The following PRELID2 variants were observed in gnomAD, a reference collection of about 807,000 sequenced individuals.
PRELID2 encodes the protein PRELI domain-containing protein 2.
In PRELID2, 25 loss-of-function variants were observed where a neutral mutation model predicts 28.4. The observed-to-expected ratio is 0.88, with a 90% CI of 0.64 to 1.23. The LOEUF (loss-of-function observed/expected upper bound fraction) is 1.23. Among genes scored for constraint, PRELID2 ranks in the 50% most tolerant of loss-of-function variants. The probability of loss-of-function intolerance (pLI) is 0.00; values close to 1 mark genes in which losing one functional copy is unlikely to be tolerated. For synonymous variants in PRELID2, 76 were observed against 71.6 expected (o/e 1.06, Z -0.31); for missense variants, 201 against 214.4 (o/e 0.94, Z 0.39).
rs1431795157 is a variant in PRELID2, at chr5:145,669,972, T to A, written n.70+94959A>T. On this transcript the variant is annotated intron_variant and non_coding_transcript_variant, in intron 1 of 2. Transcript: ENST00000510259. ...TTACTACACTCAGCGTGAACTATTATACTCACTGACCAGTTTCATTTTCTA... is the reference window on the plus strand; with the variant it reads ...TTACTACACTCAGCGTGAACTATTAAACTCACTGACCAGTTTCATTTTCTA... 3.9e-5 allele frequency among the ~76,000 whole-genome samples: 6 copies of A among 152,274 alleles called. No individual in the cohort carries two copies. In the East Asian group the frequency reaches 1.2e-3, roughly 29 times the overall value.
chr5:145,575,994 C>T (rs1032521543), intron 1 of PRELID2, among the ~76,000 whole-genome samples: 1 of 152,158 alleles, frequency 6.6e-6, no homozygotes, highest in African/African-American at 2.4e-5. Flanking sequence ...TCCTGCCCAT[C>T]TTGAAAATCT....
At chr5:145,573,447 C>T (rs1473728703) in intron 1 of PRELID2, among the ~76,000 whole-genome samples, 1 of 151,882 alleles carries the variant, frequency 6.6e-6, no homozygotes, top group Non-Finnish European at 1.5e-5. Context: ...CGTCATCTAC[C>T]TTTTAAGCCC....
intron 1 of PRELID2, among the ~76,000 whole-genome samples, chr5:145,740,138 A>C (rs1196989014): frequency 6.7e-6 from 1 of 149,804 alleles, no homozygotes; most frequent in African/African-American, 2.4e-5. Flanking sequence ...AAAAGATTTA[A>C]GTATATATAT....
chr5:145,477,588 G>C (rs1169595915), intron 1 of PRELID2, among the ~76,000 whole-genome samples: 1 of 152,072 alleles, frequency 6.6e-6, no homozygotes, highest in Non-Finnish European at 1.5e-5. Flanking sequence ...GCCACACCTG[G>C]ACAACATTGA....
chr5:145,433,253 C>G, the PRELID2 span, among the ~76,000 whole-genome samples: 1 of 152,262 alleles, frequency 6.6e-6, no homozygotes, highest in South Asian at 2.1e-4. Context: ...CTGCCCAATA[C>G]AGCCAGAGGG....
intron 1 of PRELID2, among the ~76,000 whole-genome samples, chr5:145,669,153 C>T (rs1754654900): frequency 6.6e-6 from 1 of 152,040 alleles, no homozygotes; most frequent in Non-Finnish European, 1.5e-5. Flanking sequence ...ACTAATTGGG[C>T]CGCATGGAGG....
chr5:145,254,243 TGTTA>T, the PRELID2 span, among the ~76,000 whole-genome samples: 1 of 152,218 alleles, frequency 6.6e-6, no homozygotes, highest in Admixed American at 6.6e-5. Flanking sequence ...TAAATATCCA[TGTTA>T]AACATATAGA....
At chr5:145,462,841 G>A in the PRELID2 span, among the ~76,000 whole-genome samples, 2 of 152,160 alleles carry the variant, frequency 1.3e-5, no homozygotes, top group South Asian at 4.1e-4. Flanking sequence ...CCTAGGTGAG[G>A]TGATGACTTT....
the PRELID2 span, among the ~76,000 whole-genome samples, chr5:145,408,500 A>G: frequency 7.5e-6 from 1 of 132,596 alleles, no homozygotes; most frequent in African/African-American, 2.5e-5. Flanking sequence ...GATTGATGAA[A>G]AAGTCTCTAG....
the PRELID2 span, among the ~76,000 whole-genome samples, chr5:145,444,114 G>A: frequency 3.9e-5 from 6 of 152,100 alleles, no homozygotes; most frequent in South Asian, 4.1e-4. Flanking sequence ...AGAGGATGTC[G>A]TATGTATTAC....
the PRELID2 span, among the ~76,000 whole-genome samples, chr5:145,415,758 T>C: frequency 6.6e-6 from 1 of 152,012 alleles, no homozygotes; most frequent in Non-Finnish European, 1.5e-5. Flanking sequence ...CATGTGTCTT[T>C]ATAGCAGCAT....
intron 1 of PRELID2, among the ~76,000 whole-genome samples, chr5:145,475,411 G>A (rs192604976): frequency 2.0e-5 from 3 of 152,266 alleles, no homozygotes; most frequent in Admixed American, 6.5e-5. Flanking sequence ...AAAATAAGCA[G>A]CCTAAACATC....
chr5:145,249,309 CT>C, the PRELID2 span, among the ~76,000 whole-genome samples: 5 of 152,026 alleles, frequency 3.3e-5, no homozygotes. Flanking sequence ...AATTTTAAAC[CT>C]TTTCATTCAT....
At chr5:145,532,506 G>A (rs912343003) in intron 1 of PRELID2, among the ~76,000 whole-genome samples, 1 of 151,988 alleles carries the variant, frequency 6.6e-6, no homozygotes, top group Non-Finnish European at 1.5e-5. Flanking sequence ...CTTAGTGACT[G>A]TCAAGTATAC....
At chr5:145,457,255 TC>T in the PRELID2 span, among the ~76,000 whole-genome samples, 1 of 152,288 alleles carries the variant, frequency 6.6e-6, no homozygotes, top group East Asian at 1.9e-4. Flanking sequence ...TGAATTATTA[TC>T]CATAAAATGA....
At chr5:145,373,406 A>T in the PRELID2 span, among the ~76,000 whole-genome samples, 1 of 73,988 alleles carries the variant, frequency 1.4e-5, no homozygotes, top group African/African-American at 5.3e-5. Context: ...GATATTATAT[A>T]TTACAACATA....
At chr5:145,771,358 G>A (rs185031413) in intron 5 of PRELID2, among the ~76,000 whole-genome samples, 54 of 152,078 alleles carry the variant, frequency 3.6e-4, no homozygotes, top group Non-Finnish European at 5.3e-4. Flanking sequence ...TGACAAAATC[G>A]TCTAATAATA....
intron 1 of PRELID2, among the ~76,000 whole-genome samples, chr5:145,825,367 G>A (rs1046160681): frequency 2.0e-5 from 3 of 151,048 alleles, no homozygotes; most frequent in African/African-American, 4.9e-5. Context: ...GGAGACTTTC[G>A]CTTACACAGT....
chr5:145,807,127 G>A (rs537949429), intron 4 of PRELID2, among the ~76,000 whole-genome samples: 2 of 152,198 alleles, frequency 1.3e-5, no homozygotes, highest in South Asian at 2.1e-4. Flanking sequence ...AATGCATCAC[G>A]CTATGATATT....
Sources: gnomAD v4.1 joint callset for allele counts (sites outside exome capture counted in the v4.1 genomes callset) on GRCh38, gnomAD v4.1.1 for gene constraint, MANE v1.5 for transcripts, NCBI Gene and HGNC (gene_info 2026-07-23, HGNC 2026-07-21) for gene names.